GDA: variants seen among roughly 807,000 people sequenced by gnomAD.
GDA encodes the protein guanine deaminase.
Under a neutral mutation model 59.6 loss-of-function variants are expected in GDA, and 18 were observed. The observed-to-expected ratio is 0.30, with a 90% CI of 0.21 to 0.45. The LOEUF is 0.45. GDA is among the 20% of genes least tolerant of loss of function. The probability of loss-of-function intolerance (pLI) is 1.00; values close to 1 mark genes in which losing one functional copy is unlikely to be tolerated. For synonymous variants in GDA, 201 were observed against 201.1 expected, an observed-to-expected ratio of 1.00 and a Z score of 0.00; for missense variants, 427 against 552.3, an observed-to-expected ratio of 0.77 and a Z score of 2.27.
chr9:72,200,646 T>C (rs1833871836), intron 2 of GDA, among the ~76,000 whole-genome samples: 1 of 152,196 alleles, frequency 6.6e-6, no homozygotes, highest in African/African-American at 2.4e-5. Context: ...GAAGTTACAC[T>C]GCTATTCCGT....
At chr9:72,120,830 G>A (rs1423413283) in intron 1 of GDA, among the ~76,000 whole-genome samples, 1 of 152,016 alleles carries the variant, frequency 6.6e-6, no homozygotes, top group Admixed American at 6.6e-5. Context: ...CATCATTCGG[G>A]AAACAGAAGG....
At chr9:72,194,035 A>G (rs150831956) in intron 1 of GDA, 36 of 152,356 alleles carry the variant, frequency 2.4e-4, no homozygotes, top group African/African-American at 7.9e-4. Flanking sequence ...TCTTCAGAGC[A>G]GTGGGCTTCC....
intron 1 of GDA, among the ~76,000 whole-genome samples, chr9:72,181,430 A>C (rs1369663595): frequency 1.3e-5 from 2 of 152,018 alleles, no homozygotes; most frequent in Non-Finnish European, 2.9e-5. Flanking sequence ...GGTTCAAGCA[A>C]TTCTCTGCCT....
intron 1 of GDA, among the ~76,000 whole-genome samples, chr9:72,120,531 G>T (rs371060905): frequency 1.3e-5 from 2 of 152,260 alleles, no homozygotes. Flanking sequence ...AATGGCATTT[G>T]TCATGTGACA....
At chr9:72,253,535 G>T (rs1452502338), downstream of GDA, 1 of 152,154 alleles carries the variant, frequency 6.6e-6, no homozygotes, top group East Asian at 1.9e-4. Flanking sequence ...CTGCCTATCT[G>T]TGAGGAATAA....
At chr9:72,222,433 G>A (rs1406796992) in intron 6 of GDA, among the ~76,000 whole-genome samples, 1 of 151,850 alleles carries the variant, frequency 6.6e-6, no homozygotes, top group East Asian at 1.9e-4. Flanking sequence ...TTATAAATTT[G>A]TCTAAGTTCC....
chr9:72,211,376 T>C (rs185493536), intron 4 of GDA, among the ~76,000 whole-genome samples: 1 of 152,338 alleles, frequency 6.6e-6, no homozygotes, highest in East Asian at 1.9e-4. Flanking sequence ...ATGTTACAGA[T>C]GGTTAGACTG....
At chr9:72,133,113 A>C (rs1283710793) in intron 1 of GDA, among the ~76,000 whole-genome samples, 1 of 151,542 alleles carries the variant, frequency 6.6e-6, no homozygotes, top group Non-Finnish European at 1.5e-5. Context: ...ACATCGTGAA[A>C]CTCTGTCTCT....
intron 4 of GDA, among the ~76,000 whole-genome samples, chr9:72,212,907 C>T (rs1835564391): frequency 6.6e-6 from 1 of 151,964 alleles, no homozygotes; most frequent in African/African-American, 2.4e-5. Flanking sequence ...AAAATGAGAG[C>T]AAAGATAGTT....
chr9:72,186,544 A>G (rs1275509903), intron 1 of GDA, among the ~76,000 whole-genome samples: 2 of 152,144 alleles, frequency 1.3e-5, no homozygotes, highest in African/African-American at 4.8e-5. Context: ...TATGAAGTAT[A>G]TCTTCATCAA....
intron 1 of GDA, among the ~76,000 whole-genome samples, chr9:72,130,327 A>G (rs771540275): frequency 1.1e-4 from 17 of 152,226 alleles, no homozygotes; most frequent in Non-Finnish European, 2.2e-4. Context: ...GTTTTACAAA[A>G]CAGATACTAC....
intron 1 of GDA, among the ~76,000 whole-genome samples, chr9:72,127,789 T>C (rs954228366): frequency 1.3e-5 from 2 of 152,224 alleles, no homozygotes; most frequent in African/African-American, 4.8e-5. Context: ...AAATAATGCA[T>C]GAGACTGGGC....
chr9:72,191,870 G>A (rs909028784), intron 1 of GDA, among the ~76,000 whole-genome samples: 2 of 152,136 alleles, frequency 1.3e-5, no homozygotes, highest in Admixed American at 6.5e-5. Flanking sequence ...TGACAGGCAT[G>A]AGCCACCATG....
chr9:72,137,358 T>C (rs1826273829), intron 1 of GDA, among the ~76,000 whole-genome samples: 1 of 144,840 alleles, frequency 6.9e-6, no homozygotes, highest in African/African-American at 2.5e-5. Flanking sequence ...ACCATTCTCC[T>C]GCCTCAGCCT....
chr9:72,235,937 C>T lies in GDA; in HGVS notation c.988+4756C>T, dbSNP rs561257708. On this transcript the variant is annotated intron_variant, in intron 10 of 13. Coordinates refer to ENST00000358399, the MANE Select transcript of GDA (RefSeq NM_004293.5). Reference sequence around the variant, plus strand: ...AACAAGACCTATAAACTCATTAAAACAAGCAACATACATGGAGCCAGTGCC... The same window carrying T: ...AACAAGACCTATAAACTCATTAAAATAAGCAACATACATGGAGCCAGTGCC... Among the ~76,000 whole-genome samples the T allele has an allele frequency of 1.2e-4, 18 of 152,202 alleles. No individual in the cohort carries two copies. In the South Asian group the frequency reaches 3.7e-3, roughly 32 times the overall value.
At chr9:72,218,157 G>A (rs867706313) in intron 5 of GDA, among the ~76,000 whole-genome samples, 24 of 152,202 alleles carry the variant, frequency 1.6e-4, no homozygotes, top group African/African-American at 5.5e-4. Context: ...CAAGTGAGCC[G>A]CCTGCTTCAG....
At chr9:72,232,409 A>G (rs1046946608) in intron 10 of GDA, among the ~76,000 whole-genome samples, 1 of 152,196 alleles carries the variant, frequency 6.6e-6, no homozygotes, top group Non-Finnish European at 1.5e-5. Context: ...TCCCTATTTT[A>G]TGGGAATCAA....
chr9:72,125,377 A>G (rs1825811090), intron 1 of GDA, among the ~76,000 whole-genome samples: 1 of 112,018 alleles, frequency 8.9e-6, no homozygotes. Flanking sequence ...TTTTTCTTTG[A>G]CAGGATCTCG....
intron 2 of GDA, among the ~76,000 whole-genome samples, chr9:72,196,484 T>TAAAA (rs751315876): frequency 7.6e-6 from 1 of 131,342 alleles, no homozygotes. Flanking sequence ...AAGACTCTGT[T>TAAAA]AAAAAAAAAA....
Sources: allele counts gnomAD v4.1 joint callset (sites outside exome capture counted in the v4.1 genomes callset), GRCh38; gene constraint gnomAD v4.1.1; transcripts MANE v1.5; gene names NCBI Gene and HGNC (gene_info 2026-07-23, HGNC 2026-07-21).